Variants in PZP observed in about 807,000 individuals in gnomAD.
The protein encoded by PZP is pregnancy zone protein.
In PZP, 150 loss-of-function variants were observed where a neutral mutation model predicts 179.8. That is an observed-to-expected ratio of 0.83 (90% CI 0.73 to 0.96). The LOEUF (loss-of-function observed/expected upper bound fraction) is 0.96. Among genes scored for constraint, PZP ranks in the 40% least tolerant of loss-of-function variants. The pLI, the probability that PZP is intolerant of heterozygous loss-of-function variation, is 0.00. For missense variants in PZP, 1,689 were observed against 1,764.0 expected (o/e 0.96, Z 0.76); for synonymous variants, 624 against 652.3 (o/e 0.96, Z 0.66).
downstream of PZP, among the ~76,000 whole-genome samples, chr12:9,144,892 A>G (rs1166189125): frequency 1.3e-5 from 2 of 152,152 alleles, no homozygotes; most frequent in African/African-American, 4.8e-5. Context: ...GGTCATGCTG[A>G]CGTTAGCCAT....
chr12:9,164,035 A>G (rs1941407157), intron 20 of PZP, 98 bp downstream of exon 20: 1 of 1,437,694 alleles, frequency 7.0e-7, no homozygotes, highest in African/African-American at 1.4e-5. Flanking sequence ...TTATAGAATT[A>G]TATCTATGGC....
chr12:9,181,271 C>T (rs1028324131), intron 14 of PZP, 139 bp from the exon 15 acceptor site: 8 of 1,063,142 alleles, frequency 7.5e-6, no homozygotes, highest in Middle Eastern at 4.2e-4. Flanking sequence ...ATTTTTACAA[C>T]TTTCCTTCAC....
intron 17 of PZP, 77 bp from the exon 18 acceptor site, chr12:9,166,279 C>G: frequency 6.8e-7 from 1 of 1,464,794 alleles, no homozygotes; most frequent in Non-Finnish European, 9.3e-7. Flanking sequence ...CGTTAGAGAA[C>G]AAAATTTTCA....
intron 12 of PZP, 39 bp from the exon 13 acceptor site, chr12:9,192,295 GAC>G (rs761847052): frequency 3.8e-6 from 6 of 1,586,532 alleles, no homozygotes; most frequent in Non-Finnish European, 5.2e-6. Context: ...TCTTGAGCTG[GAC>G]ACAGTTCTCA....
intron 13 of PZP, among the ~76,000 whole-genome samples, chr12:9,185,995 A>G (rs1448378802): frequency 3.3e-5 from 5 of 151,760 alleles, no homozygotes; most frequent in Non-Finnish European, 5.9e-5. Flanking sequence ...TTTAGTAGAG[A>G]TGGGGTTTCA....
chr12:9,207,755 G>A (rs1161140378), intron 1 of PZP, among the ~76,000 whole-genome samples: 1 of 152,190 alleles, frequency 6.6e-6, no homozygotes, highest in Non-Finnish European at 1.5e-5. Context: ...GGGAGAGGTG[G>A]AAAAGAAGTC....
At chr12:9,205,526 T>C (rs985300874) in intron 1 of PZP, among the ~76,000 whole-genome samples, 2 of 152,134 alleles carry the variant, frequency 1.3e-5, no homozygotes, top group African/African-American at 4.8e-5. Flanking sequence ...TCCCCAAAAC[T>C]TGAATCCATA....
chr12:9,189,120 C>T (rs557837484), intron 13 of PZP, among the ~76,000 whole-genome samples: 2 of 152,258 alleles, frequency 1.3e-5, no homozygotes, highest in South Asian at 4.1e-4. Flanking sequence ...CTACCAACGA[C>T]ATCCTTCACA....
chr12:9,163,524 C>T, intron 21 of PZP, 144 bp downstream of exon 21: 1 of 914,236 alleles, frequency 1.1e-6, no homozygotes, highest in Non-Finnish European at 1.6e-6. Flanking sequence ...ATGTTGTCTG[C>T]TGCAATGCTT....
In PZP at chr12:9,153,328, G is replaced by A; in HGVS notation, c.3790C>T (p.Leu1264Phe). The change falls in exon 30 of 36, where the codon CTC becomes TTC. Residue 1264 changes from leucine to phenylalanine, a missense_variant. Leu to Phe is a conservative substitution (Grantham distance 22). Coordinates refer to ENST00000261336, the MANE Select transcript of PZP (RefSeq NM_002864.3). ...FSSTQDTVVA[L>F]HALSRYGAAT... ...GCTCCATACCTGGACAGGGCATGGA[G>A]AGCCACCACTGTGTCCTGGAAGAGA... The A allele has an allele frequency of 6.2e-7, 1 of 1,613,292 alleles. No homozygotes were observed. Among genetic ancestry groups the A allele is most frequent in the Non-Finnish European group, 8.5e-7 (1 of 1,179,708 alleles).
chr12:9,144,922 G>A (rs955991705), downstream of PZP, among the ~76,000 whole-genome samples: 23 of 152,180 alleles, frequency 1.5e-4, no homozygotes, highest in Non-Finnish European at 8.8e-5. Context: ...GCCCTTTGGG[G>A]CAGTTTTTGA....
chr12:9,165,376 G>T lies in PZP; in HGVS notation c.2259-9C>A. ...CAGCCACACCTGATGAGCTGGGGAG[G>T]AGGGCAAGTGAAGAACAGAAATAAT... On this transcript the variant is annotated splice_polypyrimidine_tract_variant and intron_variant, in intron 18 of 35. Transcript: ENST00000261336. The T allele has an allele frequency of 6.2e-7, 1 of 1,613,648 alleles. No homozygotes were observed. The highest frequency in any genetic ancestry group is 2.2e-5 in the East Asian group (1 of 44,872).
intron 10 of PZP, among the ~76,000 whole-genome samples, chr12:9,194,891 G>C (rs1318896262): frequency 6.6e-6 from 1 of 152,150 alleles, no homozygotes; most frequent in Non-Finnish European, 1.5e-5. Context: ...ATGCTTGGCT[G>C]TGTTCTGAAC....
Position 9,154,672 on chromosome 12 carries a change from TGTTA to T in PZP, c.3714_3717del (p.Asn1239LeufsTer2), listed in dbSNP as rs769141183. 1.2e-6 allele frequency: 2 copies of T among 1,614,008 alleles called. No homozygotes were observed. The highest frequency in any genetic ancestry group is 1.7e-6 in the Non-Finnish European group (2 of 1,180,036). On this transcript the variant is annotated frameshift_variant, in exon 29 of 36. Transcript: ENST00000261336. LOFTEE classifies it high-confidence loss of function. The stretch of plus-strand genomic sequence containing the variant: ...TGCTGCTTCATGATCCACTTCACAA[TGTTA>T]GTTGCAGAGGTCAGGTCCCCTGAGG...
chr12:9,165,454 CAAG>C, intron 18 of PZP, 87 bp from the exon 19 acceptor site: 1 of 1,445,750 alleles, frequency 6.9e-7, no homozygotes. Flanking sequence ...AAGCTAACGT[CAAG>C]AACTGAATCC....
rs776397584 is a variant in PZP, at chr12:9,175,908, C to T, written c.1839+5075G>A. Among the ~76,000 whole-genome samples, 6 of 152,272 alleles carry T rather than the reference C, an allele frequency of 3.9e-5. No homozygotes were observed. The South Asian group carries it at 8.3e-4, about 21-fold the overall frequency. ...TGTGGAAGAAAGTGTGGTGATTCCT[C>T]AAAGACCCAGAGGCAAAAATACCAT... On this transcript the variant is annotated intron_variant, in intron 15 of 35. Coordinates refer to ENST00000261336, the MANE Select transcript of PZP (RefSeq NM_002864.3).
Position 9,202,542 on chromosome 12 carries a change from T to C in PZP, c.410A>G (p.Tyr137Cys). Reference sequence around the variant, plus strand: ...CTACTTACCTGTCTGTCCTGGTTTATACATGGGTTTGTCTGTCTGGACAAA... The same window carrying C: ...CTACTTACCTGTCTGTCCTGGTTTACACATGGGTTTGTCTGTCTGGACAAA... ...LVFVQTDKPM[Y>C]KPGQTVRFRV... The change falls in exon 3 of 36, where the codon TAT becomes TGT. Residue 137 changes from tyrosine (Y) to cysteine (C), a missense_variant. Transcript: ENST00000261336. 1 of 1,614,170 alleles carries C rather than the reference T, an allele frequency of 6.2e-7. No homozygotes were observed. The highest frequency in any genetic ancestry group is 1.1e-5 in the South Asian group (1 of 91,080).
chr12:9,196,742 A>G (rs1943797576), intron 8 of PZP, 57 bp from the exon 9 acceptor site: 1 of 1,413,502 alleles, frequency 7.1e-7, no homozygotes, highest in Non-Finnish European at 1.0e-6. Context: ...ATAGTCACTG[A>G]ATCTACTATT....
At chr12:9,181,753 C>A (rs1455702473) in intron 14 of PZP, among the ~76,000 whole-genome samples, 1 of 152,086 alleles carries the variant, frequency 6.6e-6, no homozygotes, top group African/African-American at 2.4e-5. Flanking sequence ...CAGAGAAGAG[C>A]ATCATGAACA....
Sources: allele counts gnomAD v4.1 joint callset (sites outside exome capture counted in the v4.1 genomes callset), GRCh38; gene constraint gnomAD v4.1.1; transcripts MANE v1.5; gene names NCBI Gene and HGNC (gene_info 2026-07-23, HGNC 2026-07-21).